The following FRYL variants were observed in gnomAD, a reference collection of about 807,000 sequenced individuals.
FRYL encodes FRY like transcription coactivator, also known as protein furry homolog-like.
Under a neutral mutation model 351.2 loss-of-function variants are expected in FRYL, and 150 were observed. The observed-to-expected ratio is 0.43, with a 90% CI of 0.37 to 0.49. The LOEUF is 0.49. Ranked by LOEUF, FRYL falls within the 20% of genes least tolerant of loss-of-function variation. FRYL has a pLI of 0.00. For missense variants in FRYL, 3,036 were observed against 3,619.3 expected (o/e 0.84, Z 4.13); for synonymous variants, 1,153 against 1,257.1 (o/e 0.92, Z 1.75).
At chr4:48,761,003 C>G (rs1195403246) in intron 1 of FRYL, among the ~76,000 whole-genome samples, 22 of 121,688 alleles carry the variant, frequency 1.8e-4, no homozygotes, top group Non-Finnish European at 2.9e-4. Flanking sequence ...TATTATTACT[C>G]TGTCTGTGTG....
At chr4:48,749,312 T>C (rs1384921619) in intron 1 of FRYL, among the ~76,000 whole-genome samples, 13 of 152,172 alleles carry the variant, frequency 8.5e-5, no homozygotes, top group South Asian at 8.3e-4. Context: ...GCATGAGAAA[T>C]TGGGCTTGGA....
chr4:48,697,225 C>T (rs1212769673), intron 2 of FRYL, among the ~76,000 whole-genome samples: 1 of 151,914 alleles, frequency 6.6e-6, no homozygotes, highest in Non-Finnish European at 1.5e-5. Flanking sequence ...AAAATTATGA[C>T]TCTTACTTTC....
intron 1 of FRYL, among the ~76,000 whole-genome samples, chr4:48,749,817 G>A (rs2149663226): frequency 1.3e-5 from 2 of 152,148 alleles, no homozygotes; most frequent in Middle Eastern, 3.4e-3. Flanking sequence ...GCAATCCAAA[G>A]GTCTGTCTAG....
In FRYL at chr4:48,527,564, T is replaced by C; in HGVS notation, c.7230A>G (p.Glu2410=). 1 of 1,613,438 alleles carries C rather than the reference T, an allele frequency of 6.2e-7. No homozygotes were observed. Among genetic ancestry groups the C allele is most frequent in the Non-Finnish European group, 8.5e-7 (1 of 1,179,542 alleles). The part of the protein sequence containing the change: ...STTEDINQEE[E]VAVEDNSSEQ... ...CACTGCTATTATCTTCCACAGCTAC[T>C]TCTTCCTCTTGATTTATGTCTTCTG... The change falls in exon 53 of 64, where the codon GAA becomes GAG. Residue 2410 remains glutamate, a synonymous_variant. Coordinates refer to ENST00000358350, the MANE Select transcript of FRYL (RefSeq NM_015030.2).
Position 48,535,701 on chromosome 4 carries a change from A to C in FRYL, c.6520T>G (p.Ser2174Ala). The C allele has an allele frequency of 6.2e-7, 1 of 1,602,920 alleles. No homozygotes were observed. The highest frequency in any genetic ancestry group is 8.5e-7 in the Non-Finnish European group (1 of 1,175,140). ...INVVCRYLHD[S>A]FSDTTFNLVT... is the part of the protein sequence containing the mutation. Reference sequence around the variant, plus strand: ...AGATTAAATGTTGTATCTGAGAAGGAGTCATGCAGGTATCTGCACACGACA... The same window carrying C: ...AGATTAAATGTTGTATCTGAGAAGGCGTCATGCAGGTATCTGCACACGACA... Residue 2174 changes from serine to alanine, a missense_variant, in exon 48 of 64, where the codon TCC (serine) becomes GCC (alanine). Ser to Ala is a moderately conservative substitution (Grantham distance 99). This residue lies in a region of FRYL where 1,987 missense variants were observed against 2,311.7 expected (regional missense o/e 0.86). Transcript: ENST00000358350.
chr4:48,740,498 T>A (rs1176441408), intron 1 of FRYL, among the ~76,000 whole-genome samples: 1 of 152,024 alleles, frequency 6.6e-6, no homozygotes, highest in East Asian at 1.9e-4. Flanking sequence ...TTTCACCATG[T>A]TAGCCAGGCT....
intron 3 of FRYL, among the ~76,000 whole-genome samples, chr4:48,635,176 C>T (rs192695247): frequency 4.6e-5 from 7 of 152,254 alleles, no homozygotes; most frequent in Admixed American, 3.9e-4. Context: ...TCTTTAAGAA[C>T]TTTGTAAGAA....
intron 2 of FRYL, among the ~76,000 whole-genome samples, chr4:48,686,021 G>C (rs1350910290): frequency 2.0e-5 from 3 of 152,110 alleles, no homozygotes; most frequent in African/African-American, 7.2e-5. Context: ...GATTACAGGC[G>C]TGAGCCACCA....
At chr4:48,592,116 T>TATATATATATATATATATATATATATA (rs1553942046) in intron 16 of FRYL, among the ~76,000 whole-genome samples, 1 of 84,332 alleles carries the variant, frequency 1.2e-5, no homozygotes, top group Non-Finnish European at 2.3e-5. Context: ...ATATATATAT[T>TATATATATATATATATATATATATATA]TTATCTAAGT....
intron 26 of FRYL, among the ~76,000 whole-genome samples, chr4:48,572,183 C>G (rs1738480541): frequency 6.6e-6 from 1 of 152,182 alleles, no homozygotes; most frequent in Admixed American, 6.5e-5. Context: ...AAACAATGTT[C>G]TACAGCAGAC....
intron 2 of FRYL, among the ~76,000 whole-genome samples, chr4:48,703,525 A>G (rs1335551935): frequency 1.3e-5 from 2 of 152,114 alleles, no homozygotes; most frequent in African/African-American, 4.8e-5. Flanking sequence ...CATTTCCTAG[A>G]AGTCCAACTT....
In FRYL at chr4:48,581,432, C is replaced by T. The variant is rs550777090; in HGVS notation, c.2160G>A (p.Leu720=). 1.5e-5 allele frequency: 24 copies of T among 1,605,226 alleles called. No individual in the cohort carries two copies. In the African/African-American group the frequency reaches 3.1e-4, roughly 21 times the overall value. ...LREIRALFAL[L]EIPKGDDELA... Reference sequence around the variant, plus strand: ...ACCTAAATCTTACCTTAGGTATTTCCAGAAGTGCAAATAAAGCCCGTATTT... The same window carrying T: ...ACCTAAATCTTACCTTAGGTATTTCTAGAAGTGCAAATAAAGCCCGTATTT... The change falls in exon 21 of 64, where the codon CTG becomes CTA. Residue 720 remains leucine (L), a synonymous_variant. Coordinates refer to ENST00000358350, the MANE Select transcript of FRYL (RefSeq NM_015030.2).
Position 48,550,595 on chromosome 4 carries a change from T to C in FRYL, c.4630A>G (p.Lys1544Glu). ...AAAAACATTTGGAATTTATTACTTT[T>C]TTCTTCTTCATAAGATCCTCCAGAG... The part of the protein sequence containing the change: ...SSSGGSYEEE[K>E]SDSMPLYSNW... Residue 1544 changes from lysine to glutamate, a missense_variant, in exon 38 of 64, where the codon AAA becomes GAA. By Grantham distance (56) the Lys-to-Glu change is moderately conservative. Coordinates refer to ENST00000358350, the MANE Select transcript of FRYL (RefSeq NM_015030.2). 6.3e-7 allele frequency: 1 copy of C among 1,597,944 alleles called. No homozygotes were observed. Among genetic ancestry groups the C allele is most frequent in the Non-Finnish European group, 8.6e-7 (1 of 1,165,524 alleles).
intron 19 of FRYL, among the ~76,000 whole-genome samples, chr4:48,583,662 G>T (rs1741428466): frequency 6.6e-6 from 1 of 151,926 alleles, no homozygotes; most frequent in South Asian, 2.1e-4. Context: ...CAGTACTTTG[G>T]GAGGCCAGGG....
At chr4:48,627,900 A>G (rs1223818652) in intron 4 of FRYL, among the ~76,000 whole-genome samples, 1 of 152,150 alleles carries the variant, frequency 6.6e-6, no homozygotes, top group African/African-American at 2.4e-5. Context: ...CCTCCCCAGC[A>G]GCTGGGATTA....
In FRYL at chr4:48,534,466, T is replaced by C. The variant is rs550348031; in HGVS notation, c.6705+79A>G. 56 of 1,105,562 alleles carry C rather than the reference T, an allele frequency of 5.1e-5. No individual in the cohort carries two copies. In the African/African-American group the frequency reaches 7.6e-4, roughly 15 times the overall value. The allele number at this position is 1,105,562 out of a possible 1,614,324, so 68.5% of individuals were successfully genotyped here. A position where few individuals can be genotyped will look rare whatever the true frequency, so the allele number is the denominator to read the frequency against. Reference sequence around the variant, plus strand: ...GAACCACTTCCCCATTCTTCGACATTTAAGGCATTTCCAATATTGTGTGAT... The same window carrying C: ...GAACCACTTCCCCATTCTTCGACATCTAAGGCATTTCCAATATTGTGTGAT... On this transcript the variant is annotated intron_variant, in intron 49 of 63. Coordinates refer to ENST00000358350, the MANE Select transcript of FRYL (RefSeq NM_015030.2).
chr4:48,577,766 T>A (rs1378687337), intron 23 of FRYL, among the ~76,000 whole-genome samples: 1 of 151,826 alleles, frequency 6.6e-6, no homozygotes, highest in Non-Finnish European at 1.5e-5. Flanking sequence ...ATCCCAGCAC[T>A]TTGGGAGGCT....
chr4:48,648,572 T>TG (rs976818475), intron 3 of FRYL, among the ~76,000 whole-genome samples: 5 of 152,172 alleles, frequency 3.3e-5, no homozygotes, highest in African/African-American at 9.7e-5. Flanking sequence ...TGAGATTTTC[T>TG]GGGGGGTGAG....
At chr4:48,654,309 A>AAAAAC (rs1758356303) in intron 3 of FRYL, among the ~76,000 whole-genome samples, 3 of 146,760 alleles carry the variant, frequency 2.0e-5, no homozygotes, top group Non-Finnish European at 1.5e-5. Context: ...AAAAAAAAAA[A>AAAAAC]AAAAACAAAA....
Sources: gnomAD v4.1 joint callset for allele counts (sites outside exome capture counted in the v4.1 genomes callset) on GRCh38, gnomAD v4.1.1 for gene constraint, gnomAD v4.1.1 regional missense constraint, MANE v1.5 for transcripts, NCBI Gene and HGNC (gene_info 2026-07-23, HGNC 2026-07-21) for gene names.